Variants in RNF43 observed in about 807,000 individuals in gnomAD.
RNF43 encodes ring finger protein 43.
In RNF43, 37 loss-of-function variants were observed where a neutral mutation model predicts 78.4. The observed-to-expected ratio is 0.47, with a 90% CI of 0.36 to 0.62. RNF43 has a LOEUF of 0.62. RNF43 is among the 20% of genes least tolerant of loss of function. The probability of loss-of-function intolerance (pLI) is 0.00; values close to 1 mark genes in which losing one functional copy is unlikely to be tolerated. For missense variants in RNF43, 774 were observed against 1,007.9 expected, an observed-to-expected ratio of 0.77 and a Z score of 3.14; for synonymous variants, 347 against 395.0, an observed-to-expected ratio of 0.88 and a Z score of 1.44.
At chr17:58,404,417 A>T (rs1007472129) in intron 2 of RNF43, among the ~76,000 whole-genome samples, 2 of 152,256 alleles carry the variant, frequency 1.3e-5, no homozygotes, top group African/African-American at 4.8e-5. Flanking sequence ...TTTACTTAAA[A>T]TGATCATAAG....
chr17:58,386,541 G>T (rs1022220688), intron 2 of RNF43, among the ~76,000 whole-genome samples: 3 of 152,198 alleles, frequency 2.0e-5, no homozygotes, highest in African/African-American at 7.2e-5. Context: ...TCAAAAGTAT[G>T]TGTTTCTTCC....
chr17:58,399,069 T>C (rs1352732330), intron 2 of RNF43, among the ~76,000 whole-genome samples: 1 of 152,246 alleles, frequency 6.6e-6, no homozygotes, highest in East Asian at 1.9e-4. Flanking sequence ...AAATGAATTA[T>C]AATACCATGC....
intron 2 of RNF43, among the ~76,000 whole-genome samples, chr17:58,404,997 C>T (rs373948154): frequency 6.8e-6 from 1 of 146,466 alleles, no homozygotes; most frequent in South Asian, 2.1e-4. Flanking sequence ...ATTAAACACA[C>T]AGGAATATAA....
rs1229539571 is a variant in RNF43 at position 58,366,383 on chromosome 17, G to A, written c.376-2783C>T. The stretch of plus-strand genomic sequence containing the variant: ...CGCACCAGGTGCGTCCCTGAAACCT[G>A]GACTTAGCAGAAGATGGTGTTGAAA... On this transcript the variant is annotated intron_variant, in intron 3 of 9. Coordinates refer to ENST00000407977, the MANE Select transcript of RNF43 (RefSeq NM_017763.6). 2.6e-5 allele frequency among the ~76,000 whole-genome samples: 4 copies of A among 152,160 alleles called. No individual in the cohort carries two copies. The East Asian group carries it at 7.7e-4, about 29-fold the overall frequency.
Position 58,358,689 on chromosome 17 carries a change from G to C in RNF43, c.1087C>G (p.Arg363Gly), listed in dbSNP as rs761926947. The C allele has an allele frequency of 2.9e-5, 44 of 1,535,742 alleles. No individual in the cohort carries two copies. The African/African-American group carries it at 5.2e-4, about 18-fold the overall frequency. Residue 363 changes from arginine to glycine, a missense_variant, in exon 9 of 10, where the codon CGG (arginine) becomes GGG (glycine). Coordinates refer to ENST00000407977, the MANE Select transcript of RNF43 (RefSeq NM_017763.6). The surrounding 1 kb of genome is among the most constrained non-coding windows in gnomAD (Gnocchi z 6.2). ...LPAAYLLGPS[R>G]SAVARPPRPG... ...CGTGGGGGCCGAGCCACTGCACTCCGGGAAGGGCCCAACAGGTAGGCAGCA... is the reference window on the plus strand; with the variant it reads ...CGTGGGGGCCGAGCCACTGCACTCCCGGAAGGGCCCAACAGGTAGGCAGCA...
chr17:58,396,645 G>A (rs1333345765), intron 2 of RNF43, among the ~76,000 whole-genome samples: 1 of 152,134 alleles, frequency 6.6e-6, no homozygotes, highest in Non-Finnish European at 1.5e-5. Flanking sequence ...TCCAAAGGGA[G>A]CTATTTTTAG....
At chr17:58,394,852 T>TG (rs1376588606) in intron 2 of RNF43, 1 of 152,202 alleles carries the variant, frequency 6.6e-6, no homozygotes, top group East Asian at 1.9e-4. Context: ...TTAGGACTTT[T>TG]GGGGTGGGTG....
intron 2 of RNF43, among the ~76,000 whole-genome samples, chr17:58,400,113 T>G (rs1398104061): frequency 6.6e-6 from 1 of 152,146 alleles, no homozygotes; most frequent in Non-Finnish European, 1.5e-5. Flanking sequence ...GGGTTACCAG[T>G]ACGGAACAGG....
intron 9 of RNF43, among the ~76,000 whole-genome samples, chr17:58,355,754 AG>A (rs1218484221): frequency 7.9e-5 from 12 of 152,032 alleles, no homozygotes; most frequent in Non-Finnish European, 1.6e-4. Flanking sequence ...AGCAATAGGG[AG>A]GGTAGGTGAG....
intron 2 of RNF43, among the ~76,000 whole-genome samples, chr17:58,385,976 A>G (rs1481266102): frequency 2.0e-5 from 3 of 152,148 alleles, no homozygotes; most frequent in African/African-American, 7.2e-5. Flanking sequence ...TGGGCACACT[A>G]GCACATGTCT....
rs781720570 is a variant in RNF43 at position 58,362,661 on chromosome 17, C to A, written c.583-13G>T. On this transcript the variant is annotated splice_polypyrimidine_tract_variant and intron_variant, in intron 5 of 9. Transcript: ENST00000407977. ...CATCATAATCTGGCTGGGGAGTGAG[C>A]AGAGAGGGAAAGGGTCATACTTCCG... The A allele has an allele frequency of 1.3e-6, 2 of 1,595,434 alleles. No individual in the cohort carries two copies. Among genetic ancestry groups the A allele is most frequent in the East Asian group, 2.3e-5 (1 of 43,610 alleles).
intron 2 of RNF43, among the ~76,000 whole-genome samples, chr17:58,414,939 C>T (rs767543946): frequency 4.6e-5 from 7 of 152,118 alleles, no homozygotes; most frequent in Non-Finnish European, 8.8e-5. Flanking sequence ...TAAAATCAAC[C>T]TTCTTAGTGC....
intron 2 of RNF43, among the ~76,000 whole-genome samples, chr17:58,407,069 A>AT (rs35270032): frequency 0.31 from 23,258 of 74,234 alleles, 5,792 homozygotes; most frequent in East Asian, 0.4. Flanking sequence ...AGAGACCAGA[A>AT]TTTTTTTTTT....
rs1017728481 is a variant in RNF43 at position 58,356,885 on chromosome 17, T to G, written c.2308+583A>C. 3.5e-5 allele frequency: 10 copies of G among 283,170 alleles called. No homozygotes were observed. In the South Asian group the frequency reaches 3.9e-4, roughly 11 times the overall value. 17.5% of individuals were successfully genotyped at this position (283,170 alleles called of 1,614,324 possible). ...TACCCCGGGGACCATTCCAAATGCCTCTTTTTTTTTTTTTTTTTTTTTTTT... is the reference window on the plus strand; with the variant it reads ...TACCCCGGGGACCATTCCAAATGCCGCTTTTTTTTTTTTTTTTTTTTTTTT... On this transcript the variant is annotated intron_variant, in intron 9 of 9. Coordinates refer to ENST00000407977, the MANE Select transcript of RNF43 (RefSeq NM_017763.6).
At chr17:58,401,846 A>C (rs1973807526) in intron 2 of RNF43, among the ~76,000 whole-genome samples, 1 of 151,408 alleles carries the variant, frequency 6.6e-6, no homozygotes, top group Non-Finnish European at 1.5e-5. Context: ...AAAACCTATA[A>C]TCTAATACCT....
rs761668772 is a variant in RNF43, at chr17:58,417,399, A to G, written c.-768T>C. 5.2e-5 allele frequency: 8 copies of G among 152,382 alleles called. No homozygotes were observed. Among genetic ancestry groups the G allele is most frequent in the South Asian group, 4.1e-4 (2 of 4,828 alleles). The allele number at this position is 152,382 out of a possible 1,614,324, so 9.4% of individuals were successfully genotyped here. On this transcript the variant is annotated 5_prime_UTR_variant, in exon 1 of 10. The change abolishes an upstream ATG in the 5' untranslated region. Transcript: ENST00000407977. ...AGAAAAGAAGCAAAGTAGCAAATAC[A>G]TCAACAATTCACTATCAGAAACACA...
chr17:58,394,156 A>T lies in RNF43; in HGVS notation c.252+21170T>A, dbSNP rs1168348932. ...GGGGATACCCTTCTCTCTTGAGGAA[A>T]GACAAGAGTTCAGTTTGATTTTTAG... is the stretch of plus-strand genomic sequence containing the variant. On this transcript the variant is annotated intron_variant, in intron 2 of 9. Transcript: ENST00000407977. Among the ~76,000 whole-genome samples the T allele has an allele frequency of 2.0e-5, 3 of 152,232 alleles. No homozygotes were observed. In the East Asian group the frequency reaches 5.8e-4, roughly 29 times the overall value.
intron 2 of RNF43, among the ~76,000 whole-genome samples, chr17:58,406,631 A>G (rs1029600136): frequency 6.6e-6 from 1 of 152,204 alleles, no homozygotes; most frequent in Non-Finnish European, 1.5e-5. Context: ...TTCCAGGTAG[A>G]AGATATTAAA....
intron 3 of RNF43, among the ~76,000 whole-genome samples, chr17:58,367,973 C>G (rs1274797527): frequency 6.6e-6 from 1 of 152,176 alleles, no homozygotes; most frequent in Non-Finnish European, 1.5e-5. Flanking sequence ...ACTTACAAGT[C>G]CCATTATTAT....
Sources: allele counts gnomAD v4.1 joint callset (sites outside exome capture counted in the v4.1 genomes callset), GRCh38; gene constraint gnomAD v4.1.1; non-coding constraint Gnocchi (gnomAD v3.1); transcripts MANE v1.5; gene names NCBI Gene and HGNC (gene_info 2026-07-23, HGNC 2026-07-21).